Variants in SRRD observed in about 807,000 individuals in gnomAD.
SRRD encodes SRR1 domain containing.
Under a neutral mutation model 30.7 loss-of-function variants are expected in SRRD, and 28 were observed. The observed-to-expected ratio is 0.91, with a 90% confidence interval of 0.68 to 1.25. The LOEUF (loss-of-function observed/expected upper bound fraction) is 1.25, where lower values mean the gene tolerates loss of function less well. Among genes scored for constraint, SRRD ranks in the 50% most tolerant of loss-of-function variants. The pLI is 0.00. For synonymous variants in SRRD, 161 were observed against 159.6 expected (o/e 1.01, Z -0.07); for missense variants, 415 against 417.3 (o/e 0.99, Z 0.05).
chr22:26,494,166 T>C lies in SRRD; in HGVS notation c.*2494T>C, dbSNP rs2147119660. Reference sequence around the variant, plus strand: ...ACGTTGGAGGACACCGCCCGGTTCATGATATCAAGTGCCTCATTAAATTTG... The same window carrying C: ...ACGTTGGAGGACACCGCCCGGTTCACGATATCAAGTGCCTCATTAAATTTG... On this transcript the variant is annotated 3_prime_UTR_variant, in exon 7 of 7. Coordinates refer to ENST00000215917, the MANE Select transcript of SRRD (RefSeq NM_001013694.3). The C allele has an allele frequency of 1.2e-6, 2 of 1,614,204 alleles. No homozygotes were observed. The highest frequency in any genetic ancestry group is 2.2e-5 in the East Asian group (1 of 44,882).
chr22:26,484,974 A>G (rs979839214), intron 1 of SRRD, among the ~76,000 whole-genome samples: 3 of 152,220 alleles, frequency 2.0e-5, no homozygotes, highest in Non-Finnish European at 4.4e-5. Flanking sequence ...CCCTAGAATT[A>G]GGGTCAAGAG....
intron 6 of SRRD, 89 bp from the exon 7 acceptor site, chr22:26,491,374 G>C: frequency 1.9e-6 from 2 of 1,045,130 alleles, no homozygotes; most frequent in Non-Finnish European, 2.9e-6. Flanking sequence ...AAGTAAAGTG[G>C]GGATGACAAG....
Position 26,492,456 on chromosome 22 carries a change from G to T in SRRD, c.*784G>T. 1 of 1,257,064 alleles carries T rather than the reference G, an allele frequency of 8.0e-7. No individual in the cohort carries two copies. Among genetic ancestry groups the T allele is most frequent in the Non-Finnish European group, 1.1e-6 (1 of 882,350 alleles). The allele number at this position is 1,257,064 out of a possible 1,614,324, so 77.9% of individuals were successfully genotyped here. ...GTGGCTTGGCCCAGGTCTTGGGTGTGCCAGAGTGCTTGTGACTCACTGAAG... is the reference window on the plus strand; with the variant it reads ...GTGGCTTGGCCCAGGTCTTGGGTGTTCCAGAGTGCTTGTGACTCACTGAAG... On this transcript the variant is annotated 3_prime_UTR_variant, in exon 7 of 7. Coordinates refer to ENST00000215917, the MANE Select transcript of SRRD (RefSeq NM_001013694.3).
In SRRD at chr22:26,488,336, A is replaced by G. The variant is rs762051345; in HGVS notation, c.510+48A>G. Reference sequence around the variant, plus strand: ...ATCTCCTCCTCCTCTGGTCCTATACATGGGTGCACACAGATGTTTGGGTTG... The same window carrying G: ...ATCTCCTCCTCCTCTGGTCCTATACGTGGGTGCACACAGATGTTTGGGTTG... On this transcript the variant is annotated intron_variant, in intron 3 of 6. Coordinates refer to ENST00000215917, the MANE Select transcript of SRRD (RefSeq NM_001013694.3). 5.6e-6 allele frequency: 9 copies of G among 1,613,578 alleles called. No homozygotes were observed. The highest frequency in any genetic ancestry group is 2.2e-5 in the East Asian group (1 of 44,884).
At chr22:26,485,716 AACAAC>A (rs1054259121) in intron 1 of SRRD, among the ~76,000 whole-genome samples, 110 of 152,306 alleles carry the variant, frequency 7.2e-4, no homozygotes, top group African/African-American at 2.6e-3. Flanking sequence ...CTGAGCACTT[AACAAC>A]CATTTATTGA....
Position 26,491,520 on chromosome 22 carries a change from T to C in SRRD, c.868T>C (p.Phe290Leu). The change falls in exon 7 of 7, where the codon TTT (phenylalanine) becomes CTT (leucine). Residue 290 changes from phenylalanine (F) to leucine (L), a missense_variant. Physicochemically the swap from Phe to Leu is conservative, Grantham distance 22. Coordinates refer to ENST00000215917, the MANE Select transcript of SRRD (RefSeq NM_001013694.3). ...TCAGACTTCACAATACATGGACATATTTAATGATACCTCTGTCCACTGGTT... is the reference window on the plus strand; with the variant it reads ...TCAGACTTCACAATACATGGACATACTTAATGATACCTCTGTCCACTGGTT... ...FPQTSQYMDIFNDTSVHWFPV... is the reference protein window; with the variant it reads ...FPQTSQYMDILNDTSVHWFPV... 1.2e-6 allele frequency: 2 copies of C among 1,614,158 alleles called. No individual in the cohort carries two copies. Among genetic ancestry groups the C allele is most frequent in the Non-Finnish European group, 1.7e-6 (2 of 1,179,974 alleles).
rs1285667125 is a variant in SRRD, at chr22:26,492,614, G to A, written c.*942G>A. ...TTAATATTCAACATTTTAAAATGAAGTATCTGCAAGGGATTTCTTCCTTCA... is the reference window on the plus strand; with the variant it reads ...TTAATATTCAACATTTTAAAATGAAATATCTGCAAGGGATTTCTTCCTTCA... On this transcript the variant is annotated 3_prime_UTR_variant, in exon 7 of 7. Transcript: ENST00000215917. 13 of 497,100 alleles carry A rather than the reference G, an allele frequency of 2.6e-5. No homozygotes were observed. The highest frequency in any genetic ancestry group is 5.5e-4 in the Middle Eastern group (1 of 1,802). The allele number at this position is 497,100 out of a possible 1,614,324, so 30.8% of individuals were successfully genotyped here. A position where few individuals can be genotyped will look rare whatever the true frequency, so the allele number is the denominator to read the frequency against.
intron 2 of SRRD, 51 bp from the exon 3 acceptor site, chr22:26,487,978 C>T: frequency 6.5e-7 from 1 of 1,535,206 alleles, no homozygotes; most frequent in Non-Finnish European, 8.7e-7. Context: ...TGATTTGGTT[C>T]ACAGGGTCAG....
chr22:26,487,313 G>A (rs2091716097), intron 2 of SRRD, among the ~76,000 whole-genome samples: 1 of 152,286 alleles, frequency 6.6e-6, no homozygotes, highest in African/African-American at 2.4e-5. Flanking sequence ...AATAAAAGGA[G>A]AGACAAGAGA....
rs989910815 is a variant in SRRD, at chr22:26,493,060, C to T, written c.*1388C>T. 2.6e-5 allele frequency: 4 copies of T among 151,058 alleles called. No individual in the cohort carries two copies. The highest frequency in any genetic ancestry group is 9.8e-5 in the African/African-American group (4 of 40,988). 9.4% of individuals were successfully genotyped at this position (151,058 alleles called of 1,614,324 possible). A position where few individuals can be genotyped will look rare whatever the true frequency, so the allele number is the denominator to read the frequency against. On this transcript the variant is annotated 3_prime_UTR_variant, in exon 7 of 7. Coordinates refer to ENST00000215917, the MANE Select transcript of SRRD (RefSeq NM_001013694.3). ...TTTTTTTTTGAGACCGAGTCTCGCT[C>T]TTGTCACCTAGGCTGGAGTGCAGTG...
chr22:26,490,497 G>A (rs1206628934), intron 5 of SRRD, among the ~76,000 whole-genome samples: 4 of 149,546 alleles, frequency 2.7e-5, no homozygotes, highest in South Asian at 2.1e-4. Flanking sequence ...TCTGTTTCAC[G>A]TGCTTAGGAG....
intron 4 of SRRD, 79 bp from the exon 5 acceptor site, chr22:26,489,965 C>T: frequency 2.0e-6 from 3 of 1,512,416 alleles, no homozygotes; most frequent in Admixed American, 1.8e-5. Flanking sequence ...CATGATTATC[C>T]CCATCCTTAC....
Position 26,492,385 on chromosome 22 carries a change from CA to C in SRRD, c.*714del. 6.2e-7 allele frequency: 1 copy of C among 1,611,752 alleles called. No homozygotes were observed. Among genetic ancestry groups the C allele is most frequent in the East Asian group, 2.2e-5 (1 of 44,852 alleles). On this transcript the variant is annotated 3_prime_UTR_variant, in exon 7 of 7. Coordinates refer to ENST00000215917, the MANE Select transcript of SRRD (RefSeq NM_001013694.3). ...TGTAGGCACCTAAGATACAGGAGGACAGGGCGGTGAGGAGAGGTGTTTCCAG... is the reference window on the plus strand; with the variant it reads ...TGTAGGCACCTAAGATACAGGAGGACGGGCGGTGAGGAGAGGTGTTTCCAG...
At position 26,492,726 on chromosome 22, in the gene SRRD, G is replaced by A. The variant is rs1921367035; in HGVS notation, c.*1054G>A. On this transcript the variant is annotated 3_prime_UTR_variant, in exon 7 of 7. Transcript: ENST00000215917. ...GTTTCCATTTCCCACCACCAAAGAG[G>A]CAGCTTTTAGTACCTTGAAAACATA... 1 of 234,818 alleles carries A rather than the reference G, an allele frequency of 4.3e-6. No individual in the cohort carries two copies. Among genetic ancestry groups the A allele is most frequent in the South Asian group, 6.6e-5 (1 of 15,040 alleles). The allele number at this position is 234,818 out of a possible 1,614,324, so 14.5% of individuals were successfully genotyped here. A position where few individuals can be genotyped will look rare whatever the true frequency, so the allele number is the denominator to read the frequency against.
At chr22:26,489,261 G>A (rs1183318064) in intron 4 of SRRD, among the ~76,000 whole-genome samples, 1 of 152,102 alleles carries the variant, frequency 6.6e-6, no homozygotes, top group African/African-American at 2.4e-5. Context: ...GGGAGCTTTG[G>A]GGAGACCAAG....
chr22:26,489,608 G>T (rs2091733787), intron 4 of SRRD, among the ~76,000 whole-genome samples: 1 of 152,116 alleles, frequency 6.6e-6, no homozygotes, highest in Non-Finnish European at 1.5e-5. Flanking sequence ...GAGAGCAGTG[G>T]TTCTCAGGAG....
chr22:26,490,234 G>A, intron 5 of SRRD, 36 bp downstream of exon 5: 2 of 1,611,870 alleles, frequency 1.2e-6, no homozygotes, highest in Non-Finnish European at 1.7e-6. Flanking sequence ...GTCAGGCCCT[G>A]AGGTGAAGCC....
chr22:26,490,633 A>G (rs1025571098), intron 5 of SRRD: 1 of 173,998 alleles, frequency 5.7e-6, no homozygotes, highest in Non-Finnish European at 1.1e-5. Flanking sequence ...GTATGATCTC[A>G]GCTCACTGCA....
Position 26,492,086 on chromosome 22 carries a change from C to T in SRRD, c.*414C>T, listed in dbSNP as rs772765613. 1 of 1,613,482 alleles carries T rather than the reference C, an allele frequency of 6.2e-7. No homozygotes were observed. Among genetic ancestry groups the T allele is most frequent in the Admixed American group, 1.7e-5 (1 of 59,918 alleles). On this transcript the variant is annotated 3_prime_UTR_variant, in exon 7 of 7. Coordinates refer to ENST00000215917, the MANE Select transcript of SRRD (RefSeq NM_001013694.3). The stretch of plus-strand genomic sequence containing the variant: ...CTTCTCGCCCTGGACAAAGACCACT[C>T]CCCGGTCGATGTAGATCACAATGCG...
Sources: allele counts gnomAD v4.1 joint callset (sites outside exome capture counted in the v4.1 genomes callset), GRCh38; gene constraint gnomAD v4.1.1; transcripts MANE v1.5; gene names NCBI Gene and HGNC (gene_info 2026-07-23, HGNC 2026-07-21).